Variants in MYBPC3 observed in about 807,000 individuals in gnomAD.
The protein encoded by MYBPC3 is myosin binding protein C3.
MYBPC3 carries 108 observed loss-of-function variants against 159.3 expected under a neutral mutation model. The observed-to-expected ratio is 0.68, with a 90% confidence interval of 0.58 to 0.80. MYBPC3 has a LOEUF of 0.80. Ranked by LOEUF, MYBPC3 falls within the 30% of genes least tolerant of loss-of-function variation. The probability of loss-of-function intolerance (pLI) is 0.00; values close to 1 mark genes in which losing one functional copy is unlikely to be tolerated. For synonymous variants in MYBPC3, 730 were observed against 702.0 expected (o/e 1.04, Z -0.63); for missense variants, 1,631 against 1,762.1 (o/e 0.93, Z 1.33).
At chr11:47,348,797 C>T (rs904032726) in intron 5 of MYBPC3, among the ~76,000 whole-genome samples, 3 of 149,992 alleles carry the variant, frequency 2.0e-5, no homozygotes, top group Non-Finnish European at 3.0e-5. Context: ...TTCAGCTACT[C>T]GGGAGGCTGA....
In MYBPC3 at chr11:47,333,331, T is replaced by TG. The variant is rs397516007; in HGVS notation, c.3192dup (p.Lys1065GlnfsTer12). The TG allele has an allele frequency of 6.4e-7, 1 of 1,571,608 alleles. No individual in the cohort carries two copies. Among genetic ancestry groups the TG allele is most frequent in the Non-Finnish European group, 8.6e-7 (1 of 1,156,548 alleles). ...CGGAGATCCTGGGGAGGACTTGGCT[T>TG]GTCTGCGGGAGACAGACCCAGTTGG... On this transcript the variant is annotated frameshift_variant and splice_region_variant, in exon 30 of 35. Coordinates refer to ENST00000545968, the MANE Select transcript of MYBPC3 (RefSeq NM_000256.3). LOFTEE classifies it high-confidence loss of function.
Position 47,351,382 on chromosome 11 carries a change from CTGA to C in MYBPC3, c.146_148del (p.Ile49del), listed in dbSNP as rs781207661. 8 of 1,609,016 alleles carry C rather than the reference CTGA, an allele frequency of 5.0e-6. No homozygotes were observed. Among genetic ancestry groups the C allele is most frequent in the Non-Finnish European group, 5.1e-6 (6 of 1,178,216 alleles). ...GGCCAGGCCGTACTTGTTGCTGGCGCTGATGTCACTGCCTCCGCGCTGCCAGCG... is the reference window on the plus strand; with the variant it reads ...GGCCAGGCCGTACTTGTTGCTGGCGCTGTCACTGCCTCCGCGCTGCCAGCG... On this transcript the variant is annotated inframe_deletion, in exon 2 of 35. Transcript: ENST00000545968. This position sits in a 1 kb window ranked among gnomAD's most constrained non-coding sequence, Gnocchi z 4.2.
At position 47,342,731 on chromosome 11, in the gene MYBPC3, C is replaced by T. The variant is rs730880543; in HGVS notation, c.1471G>A (p.Val491Met). 115 of 1,613,870 alleles carry T rather than the reference C, an allele frequency of 7.1e-5. No homozygotes were observed. Among genetic ancestry groups the T allele is most frequent in the Middle Eastern group, 6.6e-4 (4 of 6,084 alleles). Residue 491 changes from valine to methionine, a missense_variant, in exon 17 of 35, where the codon GTG becomes ATG. Transcript: ENST00000545968. ...AAGGTCTCCTCCCGGGTCAGCTCCA[C>T]CCCGTCCTTCAGCCTAGCCGGGTGG... ...GAQVKWLKDGVELTREETFKY... is the reference protein window; with the variant it reads ...GAQVKWLKDGMELTREETFKY...
rs786204345 is a variant in MYBPC3 at position 47,339,688 on chromosome 11, G to A, written c.2030C>T (p.Pro677Leu). 1 of 1,612,710 alleles carries A rather than the reference G, an allele frequency of 6.2e-7. No individual in the cohort carries two copies. The highest frequency in any genetic ancestry group is 8.5e-7 in the Non-Finnish European group (1 of 1,179,154). ...LRLDVPISGDPAPTVIWQKAI... is the reference protein window; with the variant it reads ...LRLDVPISGDLAPTVIWQKAI... ...CTTCTGCCAGATCACAGTGGGAGCA[G>A]GGTCCCCAGAGATAGGGACGTCCAG... is the stretch of plus-strand genomic sequence containing the variant. The change falls in exon 21 of 35, where the codon CCT becomes CTT. Residue 677 changes from proline (P) to leucine (L), a missense_variant. By Grantham distance (98) the Pro-to-Leu change is moderately conservative. Coordinates refer to ENST00000545968, the MANE Select transcript of MYBPC3 (RefSeq NM_000256.3).
chr11:47,347,739 C>T, intron 7 of MYBPC3, 59 bp from the exon 8 acceptor site: 1 of 1,550,544 alleles, frequency 6.4e-7, no homozygotes, highest in East Asian at 2.4e-5. Flanking sequence ...CCCCTGCAGC[C>T]CCCACTGACT....
intron 12 of MYBPC3, 58 bp from the exon 13 acceptor site, chr11:47,343,682 C>T: frequency 6.6e-7 from 1 of 1,516,776 alleles, no homozygotes. Context: ...TCCCCCAGGC[C>T]AAGCTACTGT....
chr11:47,346,085 G>T lies in MYBPC3; in HGVS notation c.1090+122C>A, dbSNP rs919738860. 11 of 1,346,404 alleles carry T rather than the reference G, an allele frequency of 8.2e-6. No individual in the cohort carries two copies. The highest frequency in any genetic ancestry group is 1.5e-5 in the African/African-American group (1 of 68,662). The allele number at this position is 1,346,404 out of a possible 1,614,324, so 83.4% of individuals were successfully genotyped here. A position where few individuals can be genotyped will look rare whatever the true frequency, so the allele number is the denominator to read the frequency against. ...CTCTTTCCATGTATGTGGACGAGGT[G>T]GGGGGCTAACCTGTGCCCTCTCCTC... On this transcript the variant is annotated intron_variant, in intron 12 of 34. Transcript: ENST00000545968. The surrounding 1 kb of genome is among the most constrained non-coding windows in gnomAD (Gnocchi z 5.3).
At chr11:47,352,491 G>T in intron 1 of MYBPC3, 132 bp downstream of exon 1, 1 of 1,150,606 alleles carries the variant, frequency 8.7e-7, no homozygotes, top group Non-Finnish European at 1.2e-6. Context: ...CTGGAGGACT[G>T]GCTGCCCCTG....
chr11:47,331,698 G>T lies in MYBPC3; in HGVS notation c.*45C>A. 1 of 828,512 alleles carries T rather than the reference G, an allele frequency of 1.2e-6. No homozygotes were observed. The highest frequency in any genetic ancestry group is 1.8e-6 in the Non-Finnish European group (1 of 546,194). 51.3% of individuals were successfully genotyped at this position (828,512 alleles called of 1,614,324 possible). On this transcript the variant is annotated 3_prime_UTR_variant, in exon 35 of 35. Transcript: ENST00000545968. ...ACTTCCCTCCAGGCTCCTGGCACGG[G>T]GCTGGCATCCGGTTGTACCTGCAAC...
chr11:47,343,484 G>T lies in MYBPC3; in HGVS notation c.1223+8C>A. ...CACCCGAGCCCCCCTCCCCACCCCA[G>T]GCTGCACCTGCCGCTCATCTGGATC... On this transcript the variant is annotated splice_region_variant and intron_variant, in intron 13 of 34. Transcript: ENST00000545968. 5 of 1,352,018 alleles carry T rather than the reference G, an allele frequency of 3.7e-6. No homozygotes were observed. Among genetic ancestry groups the T allele is most frequent in the Non-Finnish European group, 4.9e-6 (5 of 1,011,030 alleles). 83.8% of individuals were successfully genotyped at this position (1,352,018 alleles called of 1,614,324 possible). A position where few individuals can be genotyped will look rare whatever the true frequency, so the allele number is the denominator to read the frequency against.
chr11:47,339,205 C>T (rs2095885704), intron 22 of MYBPC3, 119 bp downstream of exon 22: 1 of 1,075,786 alleles, frequency 9.3e-7, no homozygotes, highest in Non-Finnish European at 1.4e-6. Context: ...CTGCTGGGGG[C>T]AGCAACACAC....
rs2095894582 is a variant in MYBPC3, at chr11:47,346,769, C to T, written c.909-125G>A. The T allele has an allele frequency of 1.8e-6, 2 of 1,089,012 alleles. No homozygotes were observed. 67.5% of individuals were successfully genotyped at this position (1,089,012 alleles called of 1,614,324 possible). A position where few individuals can be genotyped will look rare whatever the true frequency, so the allele number is the denominator to read the frequency against. On this transcript the variant is annotated intron_variant, in intron 10 of 34. Coordinates refer to ENST00000545968, the MANE Select transcript of MYBPC3 (RefSeq NM_000256.3). This position sits in a 1 kb window ranked among gnomAD's most constrained non-coding sequence, Gnocchi z 5.3. ...CTCCCTATTTTCCGCACTTGCACTCCCTGTGTTGTGGGGCACCCATGCTGC... is the reference window on the plus strand; with the variant it reads ...CTCCCTATTTTCCGCACTTGCACTCTCTGTGTTGTGGGGCACCCATGCTGC...
At chr11:47,334,074 C>T (rs11570111) in intron 27 of MYBPC3, 64 bp from the exon 28 acceptor site, 2 of 1,456,350 alleles carry the variant, frequency 1.4e-6, no homozygotes, top group Admixed American at 4.0e-5. Context: ...TCCACAGCTC[C>T]AACCTCCCTT....
Position 47,342,726 on chromosome 11 carries a change from C to G in MYBPC3, c.1476G>C (p.Glu492Asp). The stretch of plus-strand genomic sequence containing the variant: ...ATTTGAAGGTCTCCTCCCGGGTCAG[C>G]TCCACCCCGTCCTTCAGCCTAGCCG... The part of the protein sequence containing the change: ...AQVKWLKDGV[E>D]LTREETFKYR... The change falls in exon 17 of 35, where the codon GAG (glutamate) becomes GAC (aspartate). Residue 492 changes from glutamate (E) to aspartate (D), a missense_variant. By Grantham distance (45) the Glu-to-Asp change is conservative. Coordinates refer to ENST00000545968, the MANE Select transcript of MYBPC3 (RefSeq NM_000256.3). 1 of 1,614,000 alleles carries G rather than the reference C, an allele frequency of 6.2e-7. No individual in the cohort carries two copies. Among genetic ancestry groups the G allele is most frequent in the Middle Eastern group, 1.6e-4 (1 of 6,062 alleles).
At chr11:47,343,834 G>T (rs2095891779) in intron 12 of MYBPC3, among the ~76,000 whole-genome samples, 1 of 152,228 alleles carries the variant, frequency 6.6e-6, no homozygotes, top group Non-Finnish European at 1.5e-5. Flanking sequence ...TGTTGGCCAG[G>T]CTGGAGTGCA....
chr11:47,343,378 A>G (rs1246377509), intron 13 of MYBPC3, 114 bp downstream of exon 13: 6 of 1,482,554 alleles, frequency 4.0e-6, no homozygotes. Flanking sequence ...AGGCCCAGAG[A>G]GATGGGGCTG....
chr11:47,337,769 G>T lies in MYBPC3; in HGVS notation c.2334C>A (p.Pro778=). The change falls in exon 24 of 35, where the codon CCC becomes CCA. Residue 778 remains proline (P), a synonymous_variant. Coordinates refer to ENST00000545968, the MANE Select transcript of MYBPC3 (RefSeq NM_000256.3). The part of the protein sequence containing the change: ...VIDVPDAPAA[P]KISNVGEDSC... ...AGTCCTCTCCCACGTTGCTGATCTT[G>T]GGGGCCGCAGGTGCGTCTGGCACGT... 2 of 1,552,958 alleles carry T rather than the reference G, an allele frequency of 1.3e-6. No individual in the cohort carries two copies. Among genetic ancestry groups the T allele is most frequent in the Non-Finnish European group, 1.7e-6 (2 of 1,148,120 alleles).
rs982545302 is a variant in MYBPC3, at chr11:47,341,257, A to T, written c.1791-13T>A. ...CAGTTTGTGGACCCTGCAGGGGAGC[A>T]GTGGCTCAGGGGACCCCACTGGGCC... is the stretch of plus-strand genomic sequence containing the variant. On this transcript the variant is annotated splice_polypyrimidine_tract_variant and intron_variant, in intron 18 of 34. Transcript: ENST00000545968. 2 of 1,563,246 alleles carry T rather than the reference A, an allele frequency of 1.3e-6. No homozygotes were observed. The highest frequency in any genetic ancestry group is 2.7e-5 in the African/African-American group (2 of 73,728).
chr11:47,345,300 G>A (rs528819280), intron 12 of MYBPC3, among the ~76,000 whole-genome samples: 4 of 152,196 alleles, frequency 2.6e-5, no homozygotes, highest in Non-Finnish European at 4.4e-5. Context: ...CCACGGTGCC[G>A]GTAAGGGCCA....
Sources: allele counts gnomAD v4.1 joint callset (sites outside exome capture counted in the v4.1 genomes callset), GRCh38; gene constraint gnomAD v4.1.1; non-coding constraint Gnocchi (gnomAD v3.1); transcripts MANE v1.5; gene names NCBI Gene and HGNC (gene_info 2026-07-23, HGNC 2026-07-21).